Variants in MCM6 observed in about 807,000 individuals in gnomAD.
MCM6 encodes the protein DNA replication licensing factor MCM6.
MCM6 carries 46 observed loss-of-function variants against 94.3 expected under a neutral mutation model. That is an observed-to-expected ratio of 0.49 (90% confidence interval 0.39 to 0.62). The LOEUF (loss-of-function observed/expected upper bound fraction) is 0.62, where lower values mean the gene tolerates loss of function less well. Ranked by LOEUF, MCM6 falls within the 20% of genes least tolerant of loss-of-function variation. The pLI is 0.00. For synonymous variants in MCM6, 335 were observed against 351.9 expected (o/e 0.95, Z 0.54); for missense variants, 865 against 1,017.9 (o/e 0.85, Z 2.04).
intron 2 of MCM6, 44 bp from the exon 3 acceptor site, chr2:135,870,405 G>T: frequency 7.3e-7 from 1 of 1,371,000 alleles, no homozygotes; most frequent in Non-Finnish European, 1.0e-6. Context: ...GGTTTACCAA[G>T]GCCTCCTTCC....
intron 4 of MCM6, 145 bp downstream of exon 4, chr2:135,868,466 T>C (rs13010982): frequency 1.3e-6 from 1 of 759,348 alleles, no homozygotes; most frequent in East Asian, 2.7e-5. Context: ...ATGAACAGTT[T>C]TGGGCTTAAC....
At chr2:135,857,771 T>C (rs1438016252) in intron 10 of MCM6, 126 bp downstream of exon 10, 11 of 692,442 alleles carry the variant, frequency 1.6e-5, no homozygotes, top group East Asian at 8.0e-5. Context: ...CAGGGCTGTA[T>C]TTTCCATTTT....
intron 16 of MCM6, among the ~76,000 whole-genome samples, chr2:135,843,274 G>A (rs1350251053): frequency 6.6e-6 from 1 of 152,184 alleles, no homozygotes; most frequent in Admixed American, 6.5e-5. Flanking sequence ...CGAGATGCCT[G>A]TTAAACGCTC....
At chr2:135,844,513 T>C (rs753686228) in intron 16 of MCM6, 32 bp downstream of exon 16, 8 of 1,429,976 alleles carry the variant, frequency 5.6e-6, no homozygotes, top group Non-Finnish European at 7.3e-6. Context: ...CCTCCCTCCC[T>C]GATACCAGAG....
chr2:135,869,178 G>A (rs537009264), intron 3 of MCM6, among the ~76,000 whole-genome samples: 132 of 152,212 alleles, frequency 8.7e-4, no homozygotes, highest in African/African-American at 2.8e-3. Flanking sequence ...CAAGGTGGGC[G>A]GATCATGAGG....
At chr2:135,847,948 C>T in intron 14 of MCM6, 105 bp downstream of exon 14, 1 of 740,718 alleles carries the variant, frequency 1.4e-6, no homozygotes, top group Non-Finnish European at 2.2e-6. Context: ...TTCCGTTTTG[C>T]TACCATAGAC....
Position 135,872,847 on chromosome 2 carries a change from C to A in MCM6, c.108-4G>T. 6.2e-7 allele frequency: 1 copy of A among 1,613,644 alleles called. No homozygotes were observed. The highest frequency in any genetic ancestry group is 8.5e-7 in the Non-Finnish European group (1 of 1,179,796). The stretch of plus-strand genomic sequence containing the variant: ...TTCTCCATCGCTGCTCTGAAACCTG[C>A]AGGTACATTCGAGTCAACTAGATTA... On this transcript the variant is annotated splice_region_variant and splice_polypyrimidine_tract_variant and intron_variant, in intron 1 of 16. Transcript: ENST00000264156.
chr2:135,841,255 T>G (rs1236196146), intron 16 of MCM6, among the ~76,000 whole-genome samples: 2 of 152,256 alleles, frequency 1.3e-5, no homozygotes, highest in Non-Finnish European at 2.9e-5. Flanking sequence ...GCTTGAATTT[T>G]AAGGTTAAAC....
intron 11 of MCM6, among the ~76,000 whole-genome samples, chr2:135,856,235 G>C (rs1679890225): frequency 6.6e-6 from 1 of 152,166 alleles, no homozygotes; most frequent in Non-Finnish European, 1.5e-5. Context: ...TGGAGGCCAG[G>C]AGTTCAAGAC....
chr2:135,864,868 T>C (rs987643080), intron 7 of MCM6, 145 bp downstream of exon 7: 6 of 480,498 alleles, frequency 1.2e-5, no homozygotes, highest in African/African-American at 6.0e-5. Context: ...AGTGAAATCA[T>C]GTACCTGTCC....
Position 135,852,816 on chromosome 2 carries a change from G to A in MCM6, c.1726C>T (p.Leu576Phe). The part of the protein sequence containing the change: ...VYSLDDIRRY[L>F]LFARQFKPKI... ...GGTTTAAACTGTCTTGCAAAGAGAAGATATCTTCTGATATCATCGAGGGAA... is the reference window on the plus strand; with the variant it reads ...GGTTTAAACTGTCTTGCAAAGAGAAAATATCTTCTGATATCATCGAGGGAA... The change falls in exon 12 of 17, where the codon CTT (leucine) becomes TTT (phenylalanine). Residue 576 changes from leucine (L) to phenylalanine (F), a missense_variant. Coordinates refer to ENST00000264156, the MANE Select transcript of MCM6 (RefSeq NM_005915.6). 6.2e-7 allele frequency: 1 copy of A among 1,605,068 alleles called. No homozygotes were observed. The highest frequency in any genetic ancestry group is 1.1e-5 in the South Asian group (1 of 89,486).
At chr2:135,862,459 C>T in intron 8 of MCM6, 148 bp downstream of exon 8, 1 of 857,266 alleles carries the variant, frequency 1.2e-6, no homozygotes, top group Admixed American at 2.8e-5. Flanking sequence ...ACAATGTTGC[C>T]ATAACTTTAA....
intron 4 of MCM6, among the ~76,000 whole-genome samples, chr2:135,868,292 T>G (rs76910362): frequency 0.015 from 2,336 of 152,314 alleles, 61 homozygotes; most frequent in African/African-American, 0.053. Context: ...AATCTTACAC[T>G]AACAAGTTGC....
intron 8 of MCM6, among the ~76,000 whole-genome samples, chr2:135,861,541 A>T (rs1679992770): frequency 1.3e-5 from 2 of 152,228 alleles, no homozygotes; most frequent in South Asian, 4.1e-4. Flanking sequence ...AACAGTCAAA[A>T]ATTGTGTTCA....
chr2:135,866,852 C>G, intron 4 of MCM6, 124 bp from the exon 5 acceptor site: 1 of 702,684 alleles, frequency 1.4e-6, no homozygotes, highest in East Asian at 2.9e-5. Context: ...GCAGACTTTT[C>G]ACATGTACCA....
In MCM6 at chr2:135,846,336, TTA is replaced by T; in HGVS notation, c.2108_2109del (p.Ile703LysfsTer16). On this transcript the variant is annotated frameshift_variant, in exon 15 of 17. Transcript: ENST00000264156. LOFTEE classifies it high-confidence loss of function. ...GAGGCTTTGGGAGCAGACTCTTGAT[TTA>T]TGTCTTCATTGTAGCCATTGATCCC... ...VNGINGYNED[I>X]NQESAPKASL... The T allele has an allele frequency of 6.2e-7, 1 of 1,614,106 alleles. No homozygotes were observed. Among genetic ancestry groups the T allele is most frequent in the Non-Finnish European group, 8.5e-7 (1 of 1,179,980 alleles).
intron 8 of MCM6, among the ~76,000 whole-genome samples, chr2:135,861,673 C>T (rs1390215567): frequency 1.3e-5 from 2 of 152,084 alleles, no homozygotes; most frequent in Non-Finnish European, 2.9e-5. Flanking sequence ...AGTGCAGTGG[C>T]GCAATCTCGG....
rs1347616935 is a variant in MCM6 at position 135,848,094 on chromosome 2, T to G, written c.2012A>C (p.Glu671Ala). The change falls in exon 14 of 17, where the codon GAG (glutamate) becomes GCG (alanine). Residue 671 changes from glutamate (E) to alanine (A), a missense_variant. Glu to Ala is a moderately radical substitution (Grantham distance 107, BLOSUM62 -1). Around this residue, in one of 3 missense-constraint regions of MCM6, gnomAD observed 308 missense variants for 324.5 expected, o/e 0.95. Transcript: ENST00000264156. ...TPDVNLDQEE[E>A]IQMEVDEGAG... ...ACCCTCATCTACCTCCATCTGGATC[T>G]CTTCCTCTTGATCTAGATTGACATC... is the stretch of plus-strand genomic sequence containing the variant. 6.2e-7 allele frequency: 1 copy of G among 1,610,100 alleles called. No individual in the cohort carries two copies. Among genetic ancestry groups the G allele is most frequent in the Non-Finnish European group, 8.5e-7 (1 of 1,176,500 alleles).
intron 4 of MCM6, among the ~76,000 whole-genome samples, chr2:135,867,588 G>A (rs1223218914): frequency 6.6e-6 from 1 of 152,084 alleles, no homozygotes; most frequent in African/African-American, 2.4e-5. Context: ...TTTCCATTTT[G>A]TATGTCCCAT....
Sources: allele counts gnomAD v4.1 joint callset (sites outside exome capture counted in the v4.1 genomes callset), GRCh38; gene constraint gnomAD v4.1.1; regional missense constraint gnomAD v4.1.1; transcripts MANE v1.5; gene names NCBI Gene and HGNC (gene_info 2026-07-23, HGNC 2026-07-21).